CSRNP3: variants seen among roughly 807,000 people sequenced by gnomAD.
CSRNP3 encodes the protein cysteine and serine rich nuclear protein 3, also known as cysteine/serine-rich nuclear protein 3.
CSRNP3 carries 12 observed loss-of-function variants against 48.0 expected under a neutral mutation model. The ratio of observed to expected loss-of-function variants is 0.25; its 90% CI spans 0.16 to 0.41. CSRNP3 has a LOEUF of 0.41. Ranked by LOEUF, CSRNP3 falls within the 10% of genes least tolerant of loss-of-function variation. The pLI is 1.00. For missense variants in CSRNP3, 580 were observed against 724.4 expected, an observed-to-expected ratio of 0.80 and a Z score of 2.29; for synonymous variants, 263 against 269.7, an observed-to-expected ratio of 0.98 and a Z score of 0.24.
intron 3 of CSRNP3, among the ~76,000 whole-genome samples, chr2:165,532,194 C>T (rs1354316892): frequency 1.3e-5 from 2 of 152,170 alleles, no homozygotes; most frequent in Admixed American, 1.3e-4. Flanking sequence ...AGGGAATCCT[C>T]CCTAACTCAT....
intron 3 of CSRNP3, among the ~76,000 whole-genome samples, chr2:165,543,065 G>A (rs1364005449): frequency 6.6e-6 from 1 of 152,102 alleles, no homozygotes; most frequent in Non-Finnish European, 1.5e-5. Flanking sequence ...TGAGTAGACT[G>A]AGGGTGACAG....
chr2:165,581,332 A>G (rs1685541838), intron 3 of CSRNP3, among the ~76,000 whole-genome samples: 1 of 152,202 alleles, frequency 6.6e-6, no homozygotes, highest in Admixed American at 6.5e-5. Flanking sequence ...CCTCTTTGTA[A>G]TTATTAGTAA....
At chr2:165,608,793 A>T (rs1345096033) in intron 4 of CSRNP3, among the ~76,000 whole-genome samples, 3 of 151,610 alleles carry the variant, frequency 2.0e-5, no homozygotes, top group Admixed American at 2.0e-4. Flanking sequence ...AAAAATTAAA[A>T]AAAAAAAAAG....
At chr2:165,609,320 A>G (rs1158028965) in intron 4 of CSRNP3, among the ~76,000 whole-genome samples, 1 of 150,716 alleles carries the variant, frequency 6.6e-6, no homozygotes, top group Non-Finnish European at 1.5e-5. Flanking sequence ...TTAGCCGGGC[A>G]CGGTGGCGGG....
At chr2:165,490,958 T>G (rs1267176221) in intron 1 of CSRNP3, among the ~76,000 whole-genome samples, 1 of 139,778 alleles carries the variant, frequency 7.2e-6, no homozygotes, top group African/African-American at 2.6e-5. Flanking sequence ...TGGGATCTAT[T>G]TAAACTAAAG....
At chr2:165,544,305 C>T (rs1321335270) in intron 3 of CSRNP3, among the ~76,000 whole-genome samples, 1 of 152,030 alleles carries the variant, frequency 6.6e-6, no homozygotes. Flanking sequence ...TTCTTCACAG[C>T]ACAGCAATGA....
chr2:165,486,395 C>A (rs1200291650), intron 1 of CSRNP3, among the ~76,000 whole-genome samples: 21 of 149,382 alleles, frequency 1.4e-4, no homozygotes, highest in Middle Eastern at 3.5e-3. Flanking sequence ...CCCAGGCTTG[C>A]TTAGGTAAAC....
At chr2:165,589,433 T>A (rs554826009) in intron 3 of CSRNP3, among the ~76,000 whole-genome samples, 1 of 152,358 alleles carries the variant, frequency 6.6e-6, no homozygotes, top group East Asian at 1.9e-4. Context: ...GGACAGGTAT[T>A]CTACTTCATT....
intron 4 of CSRNP3, among the ~76,000 whole-genome samples, chr2:165,632,407 G>A (rs1686553535): frequency 6.6e-6 from 1 of 152,066 alleles, no homozygotes; most frequent in Non-Finnish European, 1.5e-5. Context: ...TACTTGAGAG[G>A]CTGAGATGGG....
intron 4 of CSRNP3, among the ~76,000 whole-genome samples, chr2:165,650,632 TC>T (rs1686888812): frequency 1.3e-5 from 2 of 152,222 alleles, no homozygotes; most frequent in South Asian, 4.1e-4. Flanking sequence ...CTTGATTTGT[TC>T]TTCAAAAGGT....
At chr2:165,544,385 A>G (rs73029825) in intron 3 of CSRNP3, among the ~76,000 whole-genome samples, 2 of 152,158 alleles carry the variant, frequency 1.3e-5, no homozygotes, top group Non-Finnish European at 2.9e-5. Context: ...ACCTAGTTAT[A>G]TGGTTCTTTT....
chr2:165,599,296 A>AGAAAGAAAG (rs1174990518), intron 4 of CSRNP3, among the ~76,000 whole-genome samples: 2 of 104,276 alleles, frequency 1.9e-5, no homozygotes, highest in Non-Finnish European at 4.6e-5. Context: ...AAAGAAAGAA[A>AGAAAGAAAG]GAAAGAAAGA....
chr2:165,553,105 T>C (rs1488516900), intron 3 of CSRNP3, among the ~76,000 whole-genome samples: 1 of 152,190 alleles, frequency 6.6e-6, no homozygotes, highest in Non-Finnish European at 1.5e-5. Flanking sequence ...CCTATGTATG[T>C]ACCATAGACA....
chr2:165,524,609 A>G (rs1308512355), intron 3 of CSRNP3, among the ~76,000 whole-genome samples: 2 of 152,120 alleles, frequency 1.3e-5, no homozygotes, highest in Non-Finnish European at 2.9e-5. Context: ...CTGTCAACTT[A>G]TCCTTACCTT....
chr2:165,647,279 A>T (rs1356400124), intron 4 of CSRNP3, among the ~76,000 whole-genome samples: 5 of 152,250 alleles, frequency 3.3e-5, no homozygotes, highest in Non-Finnish European at 7.3e-5. Flanking sequence ...TAAAATTCAG[A>T]CTTTAAATCG....
chr2:165,557,521 A>G (rs933024900), intron 3 of CSRNP3, among the ~76,000 whole-genome samples: 16 of 152,330 alleles, frequency 1.1e-4, no homozygotes, highest in African/African-American at 3.8e-4. Flanking sequence ...AGCATACTTC[A>G]TCTTGTAAAA....
rs764495569 is a variant in CSRNP3, at chr2:165,679,665, C to T, written c.1670C>T (p.Pro557Leu). 7 of 1,614,020 alleles carry T rather than the reference C, an allele frequency of 4.3e-6. No homozygotes were observed. In the African/African-American group the frequency reaches 8.0e-5, roughly 18 times the overall value. The stretch of plus-strand genomic sequence containing the variant: ...GGTGACAGTCACATTTCAGAGCATC[C>T]TGCTGAAAATTCTTTGAGCCTTGCA... ...LNGDSHISEHPAENSLSLAEK... is the reference protein window; with the variant it reads ...LNGDSHISEHLAENSLSLAEK... The change falls in exon 7 of 7, where the codon CCT (proline) becomes CTT (leucine). Residue 557 changes from proline (P) to leucine (L), a missense_variant. Pro to Leu is a moderately conservative substitution (Grantham distance 98). Coordinates refer to ENST00000651982, the MANE Select transcript of CSRNP3 (RefSeq NM_001172173.2).
At chr2:165,525,699 T>A (rs562004666) in intron 3 of CSRNP3, among the ~76,000 whole-genome samples, 1 of 152,024 alleles carries the variant, frequency 6.6e-6, no homozygotes, top group South Asian at 2.1e-4. Context: ...TCGGCAAGGC[T>A]GGTCTTGAAC....
In CSRNP3 at chr2:165,679,334, C is replaced by A. The variant is rs549714871; in HGVS notation, c.1339C>A (p.Pro447Thr). 8.1e-6 allele frequency: 13 copies of A among 1,613,764 alleles called. No homozygotes were observed. The African/African-American group carries it at 1.7e-4, about 22-fold the overall frequency. The change falls in exon 7 of 7, where the codon CCA becomes ACA. Residue 447 changes from proline (P) to threonine (T), a missense_variant. Around this residue, in one of 4 missense-constraint regions of CSRNP3, gnomAD observed 369 missense variants for 380.8 expected, o/e 0.97. Transcript: ENST00000651982. Reference protein sequence around the residue: ...YQIDSHIPGTPNQISENYSER... With the variant: ...YQIDSHIPGTTNQISENYSER... Reference sequence around the variant, plus strand: ...AATAGATAGCCACATTCCAGGAACTCCAAATCAGATCTCTGAGAACTATTC... The same window carrying A: ...AATAGATAGCCACATTCCAGGAACTACAAATCAGATCTCTGAGAACTATTC...
Sources: allele counts gnomAD v4.1 joint callset (sites outside exome capture counted in the v4.1 genomes callset), GRCh38; gene constraint gnomAD v4.1.1; regional missense constraint gnomAD v4.1.1; transcripts MANE v1.5; gene names NCBI Gene and HGNC (gene_info 2026-07-23, HGNC 2026-07-21).